SDK2: variants seen among roughly 807,000 people sequenced by gnomAD.
SDK2 encodes sidekick cell adhesion molecule 2.
A neutral mutation model predicts 253.9 loss-of-function variants in SDK2; 105 were observed. That is an observed-to-expected ratio of 0.41 (90% CI 0.35 to 0.49). The LOEUF (loss-of-function observed/expected upper bound fraction) is 0.49. Ranked by LOEUF, SDK2 falls within the 20% of genes least tolerant of loss-of-function variation. The pLI is 0.06. For missense variants in SDK2, 2,608 were observed against 3,003.0 expected, an observed-to-expected ratio of 0.87 and a Z score of 3.07; for synonymous variants, 1,249 against 1,234.9, an observed-to-expected ratio of 1.01 and a Z score of -0.24.
intron 1 of SDK2, among the ~76,000 whole-genome samples, chr17:73,536,431 G>A (rs545689423): frequency 1.3e-5 from 2 of 152,100 alleles, no homozygotes; most frequent in Non-Finnish European, 2.9e-5. Context: ...CTCCTTCCGA[G>A]GCTTCCGCTG....
At position 73,475,535 on chromosome 17, in the gene SDK2, A is replaced by G. The variant is rs77645287; in HGVS notation, c.225-3317T>C. Among the ~76,000 whole-genome samples the G allele has an allele frequency of 3.9e-3, 601 of 152,364 alleles. 2 individuals are homozygous for G. The highest frequency in any genetic ancestry group is 0.014 in the African/African-American group (573 of 41,584). ...CACTGTAGCATTTGCTTGCCATCGCAGAGACAAACAAACGAAAGCTAGAAG... is the reference window on the plus strand; with the variant it reads ...CACTGTAGCATTTGCTTGCCATCGCGGAGACAAACAAACGAAAGCTAGAAG... On this transcript the variant is annotated intron_variant, in intron 2 of 44. Coordinates refer to ENST00000392650, the MANE Select transcript of SDK2 (RefSeq NM_001144952.2).
chr17:73,442,405 G>C (rs545672523), intron 5 of SDK2, among the ~76,000 whole-genome samples: 1 of 151,614 alleles, frequency 6.6e-6, no homozygotes, highest in Non-Finnish European at 1.5e-5. Flanking sequence ...GCAGTGGCAC[G>C]ATCTCGGCTC....
In SDK2 at chr17:73,379,263, C is replaced by T. The variant is rs781724733; in HGVS notation, c.4894G>A (p.Val1632Ile). The T allele has an allele frequency of 3.9e-5, 61 of 1,555,484 alleles. No homozygotes were observed. Among genetic ancestry groups the T allele is most frequent in the Admixed American group, 3.1e-4 (16 of 51,406 alleles). The part of the protein sequence containing the change: ...VPTAAPRNVV[V>I]HGATATQLDV... ...AGCTGTGTGGCCGTGGCGCCGTGGA[C>T]GACCACGTTACGAGGTGCTGCTGTG... The change falls in exon 36 of 45, where the codon GTC becomes ATC. Residue 1632 changes from valine (V) to isoleucine (I), a missense_variant. This residue lies in a region of SDK2 where 1,103 missense variants were observed against 1,143.9 expected (regional missense o/e 0.96). Transcript: ENST00000392650. This position sits in a 1 kb window ranked among gnomAD's most constrained non-coding sequence, Gnocchi z 4.5.
chr17:73,502,079 G>GCACA lies in SDK2; in HGVS notation c.224+5355_224+5358dup, dbSNP rs752488520. On this transcript the variant is annotated intron_variant, in intron 2 of 44. Transcript: ENST00000392650. ...GTGCACAGGCTTGCCTTTGTGTAGT[G>GCACA]CACATACACACACACACACACACAC... Among the ~76,000 whole-genome samples, 5 of 147,520 alleles carry GCACA rather than the reference G, an allele frequency of 3.4e-5. No individual in the cohort carries two copies. In the South Asian group the frequency reaches 6.4e-4, roughly 19 times the overall value.
At chr17:73,457,133 C>T (rs1225068590) in intron 3 of SDK2, among the ~76,000 whole-genome samples, 1 of 152,194 alleles carries the variant, frequency 6.6e-6, no homozygotes, top group Non-Finnish European at 1.5e-5. Flanking sequence ...TTAAAAAATG[C>T]TGATGGGAGC....
At chr17:73,622,086 C>A (rs1374741362) in intron 1 of SDK2, among the ~76,000 whole-genome samples, 5 of 152,212 alleles carry the variant, frequency 3.3e-5, no homozygotes, top group Admixed American at 3.3e-4. Context: ...ACCTGGACAC[C>A]AATCCATGTG....
chr17:73,363,439 T>C (rs1280044926), intron 38 of SDK2, among the ~76,000 whole-genome samples: 1 of 152,190 alleles, frequency 6.6e-6, no homozygotes, highest in Non-Finnish European at 1.5e-5. Flanking sequence ...GAAATGACCC[T>C]GGGACCAGGA....
chr17:73,372,473 G>A (rs576765530), intron 36 of SDK2, among the ~76,000 whole-genome samples: 2 of 152,292 alleles, frequency 1.3e-5, no homozygotes, highest in African/African-American at 4.8e-5. Flanking sequence ...GTGGACAGGG[G>A]CAAGCATGGG....
intron 2 of SDK2, among the ~76,000 whole-genome samples, chr17:73,477,328 G>T (rs183348465): frequency 6.6e-6 from 1 of 152,124 alleles, no homozygotes; most frequent in Admixed American, 6.5e-5. Flanking sequence ...GGGGGTGGGG[G>T]GTGGATTAAA....
rs1401239958 is a variant in SDK2, at chr17:73,501,240, ATG to A, written c.224+6196_224+6197del. Among the ~76,000 whole-genome samples, 615 of 96,480 alleles carry A rather than the reference ATG, an allele frequency of 6.4e-3. 2 individuals carry two copies. The highest frequency in any genetic ancestry group is 9.3e-3 in the Non-Finnish European group (455 of 48,968). The allele number at this position is 96,480 out of a possible 152,430, so 63.3% of individuals were successfully genotyped here. On this transcript the variant is annotated intron_variant, in intron 2 of 44. Transcript: ENST00000392650. ...CACACAAACACATACATGCATGTGCATGCACACACACACACACACATATTTTA... is the reference window on the plus strand; with the variant it reads ...CACACAAACACATACATGCATGTGCACACACACACACACACACATATTTTA...
chr17:73,569,622 C>T (rs1327095466), intron 1 of SDK2, among the ~76,000 whole-genome samples: 1 of 146,966 alleles, frequency 6.8e-6, no homozygotes, highest in Non-Finnish European at 1.5e-5. Context: ...CAGAATTAGT[C>T]AGGGCTGCAT....
At chr17:73,415,579 C>T (rs1199794869) in intron 17 of SDK2, among the ~76,000 whole-genome samples, 1 of 151,848 alleles carries the variant, frequency 6.6e-6, no homozygotes, top group Non-Finnish European at 1.5e-5. Context: ...ACTCCTGGGC[C>T]CAAGCGATCC....
At chr17:73,448,135 T>C (rs1228015000) in intron 4 of SDK2, among the ~76,000 whole-genome samples, 3 of 152,176 alleles carry the variant, frequency 2.0e-5, no homozygotes, top group Non-Finnish European at 4.4e-5. Context: ...ATGATGTACA[T>C]CCAGACACTG....
chr17:73,630,538 C>G (rs1450266668), intron 1 of SDK2, among the ~76,000 whole-genome samples: 1 of 150,852 alleles, frequency 6.6e-6, no homozygotes, highest in Non-Finnish European at 1.5e-5. Context: ...GTCCCTCTCT[C>G]TGCCAGCATC....
At chr17:73,426,719 G>T (rs1029466926) in intron 12 of SDK2, among the ~76,000 whole-genome samples, 1 of 152,170 alleles carries the variant, frequency 6.6e-6, no homozygotes, top group African/African-American at 2.4e-5. Context: ...GAAAGGACTT[G>T]CCAGCACTCA....
At chr17:73,371,201 G>A (rs1425527466) in intron 36 of SDK2, among the ~76,000 whole-genome samples, 83 of 151,852 alleles carry the variant, frequency 5.5e-4, no homozygotes, top group Non-Finnish European at 5.9e-5. Context: ...CAAAGTTCCT[G>A]TTGGATTTGG....
At chr17:73,389,270 G>A (rs1395960936) in intron 29 of SDK2, among the ~76,000 whole-genome samples, 1 of 140,978 alleles carries the variant, frequency 7.1e-6, no homozygotes, top group Non-Finnish European at 1.5e-5. Flanking sequence ...TGTGACCTCC[G>A]CCTCGCAGGT....
chr17:73,360,443 G>A (rs1474232202), intron 39 of SDK2, among the ~76,000 whole-genome samples: 2 of 152,232 alleles, frequency 1.3e-5, no homozygotes, highest in Non-Finnish European at 2.9e-5. Flanking sequence ...GGTGGGCAGA[G>A]GAGGAGATGG....
In SDK2 at chr17:73,415,915, T is replaced by C; in HGVS notation, c.2264A>G (p.Glu755Gly). Reference protein sequence around the residue: ...TDADVNNLLLEDLIIWTNYEI... With the variant: ...TDADVNNLLLGDLIIWTNYEI... ...GTAGTTGGTCCAAATGATGAGATCCTCCAGCAGCAGGTTGTTCACATCAGC... is the reference window on the plus strand; with the variant it reads ...GTAGTTGGTCCAAATGATGAGATCCCCCAGCAGCAGGTTGTTCACATCAGC... Residue 755 changes from glutamate to glycine, a missense_variant, in exon 17 of 45, where the codon GAG becomes GGG. By Grantham distance (98) the Glu-to-Gly change is moderately conservative. This residue lies in a region of SDK2 where 1,505 missense variants were observed against 1,859.1 expected (regional missense o/e 0.81). Coordinates refer to ENST00000392650, the MANE Select transcript of SDK2 (RefSeq NM_001144952.2). 1 of 1,609,160 alleles carries C rather than the reference T, an allele frequency of 6.2e-7. No homozygotes were observed. Among genetic ancestry groups the C allele is most frequent in the Non-Finnish European group, 8.5e-7 (1 of 1,177,976 alleles).
Sources: allele counts gnomAD v4.1 joint callset (sites outside exome capture counted in the v4.1 genomes callset), GRCh38; gene constraint gnomAD v4.1.1; regional missense constraint gnomAD v4.1.1; non-coding constraint Gnocchi (gnomAD v3.1); transcripts MANE v1.5; gene names NCBI Gene and HGNC (gene_info 2026-07-23, HGNC 2026-07-21).